Variants in KHDRBS2 observed in about 807,000 individuals in gnomAD.
KHDRBS2 encodes KH RNA binding domain containing, signal transduction associated 2.
In KHDRBS2, 26 loss-of-function variants were observed where a neutral mutation model predicts 44.3. That is an observed-to-expected ratio of 0.59 (90% CI 0.43 to 0.81). The LOEUF is 0.81. Among genes scored for constraint, KHDRBS2 ranks in the 40% least tolerant of loss-of-function variants. The pLI, the probability that KHDRBS2 is intolerant of heterozygous loss-of-function variation, is 0.00. For synonymous variants in KHDRBS2, 194 were observed against 151.1 expected (o/e 1.28, Z -2.08); for missense variants, 476 against 433.1 (o/e 1.10, Z -0.88).
intron 6 of KHDRBS2, among the ~76,000 whole-genome samples, chr6:61,806,629 G>A (rs900742713): frequency 2.2e-5 from 2 of 91,150 alleles, no homozygotes; most frequent in African/African-American, 6.0e-5. Flanking sequence ...ATTGGTATAC[G>A]GGTCTGATTT....
chr6:61,616,359 G>C, the KHDRBS2 span, among the ~76,000 whole-genome samples: 1 of 151,950 alleles, frequency 6.6e-6, no homozygotes, highest in Non-Finnish European at 1.5e-5. Flanking sequence ...GTGTGGAGTT[G>C]AGGGTAAAAT....
chr6:61,590,058 C>T, the KHDRBS2 span, among the ~76,000 whole-genome samples: 1 of 152,024 alleles, frequency 6.6e-6, no homozygotes, highest in African/African-American at 2.4e-5. Context: ...AAAATAGCAG[C>T]CAAATAGAAA....
At chr6:62,263,053 G>C (rs1301877608) in intron 1 of KHDRBS2, among the ~76,000 whole-genome samples, 1 of 151,596 alleles carries the variant, frequency 6.6e-6, no homozygotes, top group Non-Finnish European at 1.5e-5. Flanking sequence ...AAACAAACCT[G>C]ATTTTCATAC....
At chr6:61,805,404 T>A (rs1203947686) in intron 6 of KHDRBS2, among the ~76,000 whole-genome samples, 1 of 152,182 alleles carries the variant, frequency 6.6e-6, no homozygotes. Context: ...CTTTCCCACA[T>A]CTTCCTGTCT....
chr6:61,697,290 A>T (rs1405466992), intron 7 of KHDRBS2, 37 bp from the exon 8 acceptor site: 1 of 1,347,292 alleles, frequency 7.4e-7, no homozygotes, highest in Non-Finnish European at 1.1e-6. Context: ...TGTTACTATA[A>T]CCAGGAAATT....
At chr6:62,254,173 TTA>T (rs1447146665) in intron 1 of KHDRBS2, among the ~76,000 whole-genome samples, 1 of 152,090 alleles carries the variant, frequency 6.6e-6, no homozygotes, top group Non-Finnish European at 1.5e-5. Flanking sequence ...TTCCTGCATT[TTA>T]TATGTCTATC....
chr6:61,694,299 C>T (rs1384308591), intron 8 of KHDRBS2, among the ~76,000 whole-genome samples: 3 of 152,068 alleles, frequency 2.0e-5, no homozygotes, highest in Admixed American at 6.6e-5. Context: ...GTTCTCTAAA[C>T]GTGTATAAAA....
At chr6:62,199,342 T>C (rs1262885854) in intron 1 of KHDRBS2, among the ~76,000 whole-genome samples, 2 of 152,176 alleles carry the variant, frequency 1.3e-5, no homozygotes, top group Admixed American at 1.3e-4. Context: ...GAAAACCCCC[T>C]TGTCTCAGCC....
At chr6:61,872,492 T>G (rs1160852641) in intron 6 of KHDRBS2, among the ~76,000 whole-genome samples, 5 of 152,048 alleles carry the variant, frequency 3.3e-5, no homozygotes, top group African/African-American at 4.8e-5. Context: ...ATAATGACAT[T>G]GATAATTTTT....
At chr6:61,628,223 TTTTTTTTTTTTTTTTTTTC>T in the KHDRBS2 span, among the ~76,000 whole-genome samples, 1 of 82,960 alleles carries the variant, frequency 1.2e-5, no homozygotes, top group East Asian at 3.0e-4. Flanking sequence ...TTTTTTTTTT[TTTTTTTTTTTTTTTTTTTC>T]AACCTGGGCT....
At chr6:61,916,919 G>A (rs1807110463) in intron 4 of KHDRBS2, among the ~76,000 whole-genome samples, 1 of 148,182 alleles carries the variant, frequency 6.7e-6, no homozygotes, top group Admixed American at 6.8e-5. Flanking sequence ...CCAGAACACT[G>A]ACACCACCAA....
chr6:61,931,781 T>C (rs1810098018), intron 4 of KHDRBS2, among the ~76,000 whole-genome samples: 1 of 152,076 alleles, frequency 6.6e-6, no homozygotes, highest in Non-Finnish European at 1.5e-5. Context: ...ACTGAGTGTG[T>C]CTGCCTATCC....
At chr6:62,250,754 TCA>T (rs764523915) in intron 1 of KHDRBS2, among the ~76,000 whole-genome samples, 1 of 151,922 alleles carries the variant, frequency 6.6e-6, no homozygotes, top group Non-Finnish European at 1.5e-5. Context: ...CATCACAGAC[TCA>T]CAAGTTGTAA....
At chr6:61,608,308 A>G in the KHDRBS2 span, among the ~76,000 whole-genome samples, 4 of 92,076 alleles carry the variant, frequency 4.3e-5, no homozygotes, top group South Asian at 1.2e-3. Context: ...ATGTGTGTAT[A>G]TATATGTGTG....
intron 4 of KHDRBS2, among the ~76,000 whole-genome samples, chr6:61,923,124 T>C (rs1424824605): frequency 6.6e-6 from 1 of 151,854 alleles, no homozygotes; most frequent in Non-Finnish European, 1.5e-5. Context: ...AAGGTTGAGA[T>C]AAAAAATAAA....
chr6:61,669,948 A>T, the KHDRBS2 span, among the ~76,000 whole-genome samples: 1 of 151,116 alleles, frequency 6.6e-6, no homozygotes, highest in African/African-American at 2.4e-5. Flanking sequence ...GAAATTGCAT[A>T]TATTTACACA....
At chr6:61,965,076 G>A (rs1288681995) in intron 4 of KHDRBS2, among the ~76,000 whole-genome samples, 2 of 152,094 alleles carry the variant, frequency 1.3e-5, no homozygotes, top group Non-Finnish European at 2.9e-5. Context: ...TTTTGGAAAA[G>A]AGGAGTTTGA....
chr6:61,935,448 C>T (rs1012326565), intron 4 of KHDRBS2, among the ~76,000 whole-genome samples: 5 of 152,126 alleles, frequency 3.3e-5, no homozygotes, highest in East Asian at 1.9e-4. Context: ...AGAAAGCCCA[C>T]GTTATTCTTC....
At chr6:61,919,263 T>C (rs1265430370) in intron 4 of KHDRBS2, among the ~76,000 whole-genome samples, 1 of 151,818 alleles carries the variant, frequency 6.6e-6, no homozygotes, top group Non-Finnish European at 1.5e-5. Flanking sequence ...ATTGCATATG[T>C]GAGTACAATT....
Sources: allele counts gnomAD v4.1 joint callset (sites outside exome capture counted in the v4.1 genomes callset), GRCh38; gene constraint gnomAD v4.1.1; transcripts MANE v1.5; gene names NCBI Gene and HGNC (gene_info 2026-07-23, HGNC 2026-07-21).